Variants in TAFA1 observed in about 807,000 individuals in gnomAD.
The protein encoded by TAFA1 is TAFA chemokine like family member 1, also known as chemokine-like protein TAFA-1.
TAFA1 carries 4 observed loss-of-function variants against 18.5 expected under a neutral mutation model. The observed-to-expected ratio is 0.22, with a 90% CI of 0.11 to 0.49. The LOEUF is 0.49. Ranked by LOEUF, TAFA1 falls within the 20% of genes least tolerant of loss-of-function variation. TAFA1 has a pLI of 0.98. For missense variants in TAFA1, 147 were observed against 169.0 expected (o/e 0.87, Z 0.72); for synonymous variants, 56 against 55.2 (o/e 1.01, Z -0.06).
chr3:68,172,976 C>T (rs981052703), intron 2 of TAFA1, among the ~76,000 whole-genome samples: 2 of 151,982 alleles, frequency 1.3e-5, no homozygotes, highest in South Asian at 2.1e-4. Context: ...TGTGAATACA[C>T]TCAAAGCCAC....
chr3:68,284,971 C>T (rs1239386825), intron 2 of TAFA1, among the ~76,000 whole-genome samples: 1 of 152,018 alleles, frequency 6.6e-6, no homozygotes, highest in African/African-American at 2.4e-5. Flanking sequence ...GCATGTAGTC[C>T]TAGCTACTAG....
At chr3:68,375,458 A>G (rs2069791179) in intron 2 of TAFA1, among the ~76,000 whole-genome samples, 1 of 152,210 alleles carries the variant, frequency 6.6e-6, no homozygotes, top group South Asian at 2.1e-4. Flanking sequence ...CAGTGGGCAA[A>G]AAAGAATGGA....
chr3:68,279,362 C>A (rs143859701), intron 2 of TAFA1, among the ~76,000 whole-genome samples: 30 of 152,040 alleles, frequency 2.0e-4, no homozygotes, highest in Non-Finnish European at 3.2e-4. Context: ...CTTTATGCTT[C>A]TTGGATGATG....
chr3:68,120,420 T>C (rs1367173160), intron 2 of TAFA1, among the ~76,000 whole-genome samples: 3 of 152,048 alleles, frequency 2.0e-5, no homozygotes, highest in Non-Finnish European at 2.9e-5. Context: ...GGCTAACTTT[T>C]ACATTTTTAG....
chr3:68,236,463 C>T (rs1274432546), intron 2 of TAFA1, among the ~76,000 whole-genome samples: 1 of 152,202 alleles, frequency 6.6e-6, no homozygotes, highest in Non-Finnish European at 1.5e-5. Context: ...AACTCATTCC[C>T]TTTCATTATT....
At chr3:68,370,341 T>TACACACACACACACAC (rs1559637447) in intron 2 of TAFA1, among the ~76,000 whole-genome samples, 1 of 69,140 alleles carries the variant, frequency 1.4e-5, no homozygotes, top group African/African-American at 6.1e-5. Flanking sequence ...TATATATATA[T>TACACACACACACACAC]ATATATATAT....
At chr3:68,208,553 C>G (rs149191950) in intron 2 of TAFA1, among the ~76,000 whole-genome samples, 3 of 151,996 alleles carry the variant, frequency 2.0e-5, no homozygotes, top group Non-Finnish European at 4.4e-5. Context: ...AAGGGACTGG[C>G]TCTAACATAG....
intron 2 of TAFA1, among the ~76,000 whole-genome samples, chr3:68,054,772 G>T (rs1000736334): frequency 2.0e-5 from 3 of 152,192 alleles, no homozygotes; most frequent in Non-Finnish European, 4.4e-5. Context: ...ATTGATTGGG[G>T]TTAATATTAT....
intron 3 of TAFA1, among the ~76,000 whole-genome samples, chr3:68,452,276 A>T (rs1373649087): frequency 6.6e-6 from 1 of 152,140 alleles, no homozygotes; most frequent in South Asian, 2.1e-4. Flanking sequence ...TAATCCCTGC[A>T]CTTTGGGAGG....
At chr3:68,168,597 T>C (rs1260052685) in intron 2 of TAFA1, among the ~76,000 whole-genome samples, 1 of 152,184 alleles carries the variant, frequency 6.6e-6, no homozygotes, top group Non-Finnish European at 1.5e-5. Context: ...TGGTAGCAAA[T>C]TATAATTGTG....
intron 2 of TAFA1, among the ~76,000 whole-genome samples, chr3:68,067,947 CAAAA>C (rs1245671859): frequency 6.6e-6 from 1 of 151,722 alleles, no homozygotes; most frequent in African/African-American, 2.4e-5. Context: ...TACAAAAAAA[CAAAA>C]AACAAAAAAC....
intron 2 of TAFA1, among the ~76,000 whole-genome samples, chr3:68,115,579 G>A (rs1352627988): frequency 6.6e-6 from 1 of 152,164 alleles, no homozygotes; most frequent in East Asian, 1.9e-4. Flanking sequence ...ATGTGATTTT[G>A]AGTAGCAACC....
chr3:68,437,885 G>A (rs909131081), intron 3 of TAFA1, among the ~76,000 whole-genome samples: 5 of 152,160 alleles, frequency 3.3e-5, no homozygotes, highest in African/African-American at 1.2e-4. Context: ...ACTTGTTCTA[G>A]CACCAACTCA....
chr3:68,086,765 A>G (rs2064975021), intron 2 of TAFA1, among the ~76,000 whole-genome samples: 1 of 152,212 alleles, frequency 6.6e-6, no homozygotes, highest in Non-Finnish European at 1.5e-5. Flanking sequence ...CTATTGTGAT[A>G]TAAACCTATT....
chr3:68,380,103 T>G lies in TAFA1; in HGVS notation c.119-37177T>G, dbSNP rs569289908. ...CCCTACAAAGGACATGAACTCATCC[T>G]TTTTTATGGCTGCATAGTATTCCAT... On this transcript the variant is annotated intron_variant, in intron 2 of 4. Transcript: ENST00000478136. 3.9e-5 allele frequency among the ~76,000 whole-genome samples: 6 copies of G among 152,264 alleles called. No individual in the cohort carries two copies. In the South Asian group the frequency reaches 1.2e-3, roughly 32 times the overall value.
rs959707146 is a variant in TAFA1 at position 68,544,681 on chromosome 3, G to A, written c.*178G>A. On this transcript the variant is annotated 3_prime_UTR_variant, in exon 5 of 5. Transcript: ENST00000478136. ...AAATATCCTACAGTGAGAAGACACA[G>A]CGTTTTGGCAACACCATGGAAAGTG... 1.6e-5 allele frequency: 10 copies of A among 606,976 alleles called. No individual in the cohort carries two copies. The highest frequency in any genetic ancestry group is 2.5e-5 in the Non-Finnish European group (9 of 357,486). The allele number at this position is 606,976 out of a possible 1,614,324, so 37.6% of individuals were successfully genotyped here.
intron 2 of TAFA1, among the ~76,000 whole-genome samples, chr3:68,143,404 A>G (rs73834850): frequency 0.056 from 8,540 of 152,216 alleles, 816 homozygotes; most frequent in African/African-American, 0.2. Flanking sequence ...TTGTATTCTT[A>G]AACATCACAT....
intron 2 of TAFA1, among the ~76,000 whole-genome samples, chr3:68,334,880 A>G (rs1355989655): frequency 6.6e-6 from 1 of 152,162 alleles, no homozygotes; most frequent in Non-Finnish European, 1.5e-5. Context: ...CCCAGCAATT[A>G]AATACTTGAC....
intron 3 of TAFA1, among the ~76,000 whole-genome samples, chr3:68,454,942 T>C (rs1026795957): frequency 3.3e-5 from 5 of 152,078 alleles, no homozygotes; most frequent in Admixed American, 6.6e-5. Flanking sequence ...CAGTCAAAAA[T>C]CCATCTATAA....
Sources: allele counts gnomAD v4.1 joint callset (sites outside exome capture counted in the v4.1 genomes callset), GRCh38; gene constraint gnomAD v4.1.1; transcripts MANE v1.5; gene names NCBI Gene and HGNC (gene_info 2026-07-23, HGNC 2026-07-21).